CCDC91: variants seen among roughly 807,000 people sequenced by gnomAD.
CCDC91 encodes the protein coiled-coil domain-containing protein 91.
Under a neutral mutation model 63.2 loss-of-function variants are expected in CCDC91, and 48 were observed. That is an observed-to-expected ratio of 0.76 (90% CI 0.60 to 0.97). CCDC91 has a LOEUF of 0.97. Ranked by LOEUF, CCDC91 falls within the 50% of genes least tolerant of loss-of-function variation. CCDC91 has a pLI of 0.00. For synonymous variants in CCDC91, 167 were observed against 165.8 expected (o/e 1.01, Z -0.06); for missense variants, 500 against 494.6 (o/e 1.01, Z -0.10).
At chr12:28,474,930 A>G (rs1951007221) in intron 11 of CCDC91, among the ~76,000 whole-genome samples, 1 of 152,122 alleles carries the variant, frequency 6.6e-6, no homozygotes, top group African/African-American at 2.4e-5. Flanking sequence ...TACTGGGTAC[A>G]TAATGAAATG....
chr12:28,195,099 A>C (rs1037102359), intron 1 of CCDC91, among the ~76,000 whole-genome samples: 1 of 152,094 alleles, frequency 6.6e-6, no homozygotes, highest in Non-Finnish European at 1.5e-5. Flanking sequence ...CATCCTGCAG[A>C]TTGGTCCATT....
At chr12:28,307,094 A>T in intron 5 of CCDC91, 149 bp downstream of exon 5, 1 of 580,020 alleles carries the variant, frequency 1.7e-6, no homozygotes, top group Non-Finnish European at 3.0e-6. Context: ...TATCACTTAG[A>T]AAAGCCTTTG....
chr12:28,421,248 G>T (rs1419708288), intron 8 of CCDC91, among the ~76,000 whole-genome samples: 1 of 152,070 alleles, frequency 6.6e-6, no homozygotes, highest in Non-Finnish European at 1.5e-5. Context: ...ACATGTGCAG[G>T]TTTGTTATAT....
Position 28,500,189 on chromosome 12 carries a change from GT to G in CCDC91, c.1215+16036del, listed in dbSNP as rs568424267. On this transcript the variant is annotated intron_variant, in intron 12 of 12. Transcript: ENST00000536442. ...TATCCTTCGCCCACTTTTTGATGGG[GT>G]TTTTTTTTTTTCTTGTAAATTTGTT... Among the ~76,000 whole-genome samples, 195 of 126,166 alleles carry G rather than the reference GT, an allele frequency of 1.5e-3. 2 individuals are homozygous for G. The highest frequency in any genetic ancestry group is 6.0e-3 in the East Asian group (29 of 4,804). The allele number at this position is 126,166 out of a possible 152,430, so 82.8% of individuals were successfully genotyped here. A position where few individuals can be genotyped will look rare whatever the true frequency, so the allele number is the denominator to read the frequency against.
intron 11 of CCDC91, among the ~76,000 whole-genome samples, chr12:28,458,285 A>G (rs1413710300): frequency 1.3e-5 from 2 of 151,782 alleles, no homozygotes; most frequent in Non-Finnish European, 2.9e-5. Context: ...CAAATGTATC[A>G]TATCTATAGA....
intron 12 of CCDC91, among the ~76,000 whole-genome samples, chr12:28,538,917 G>A (rs541701093): frequency 2.0e-5 from 3 of 152,340 alleles, no homozygotes; most frequent in South Asian, 4.1e-4. Context: ...TTTGAGAAGC[G>A]TCTGTTGACA....
chr12:28,343,513 A>G, intron 6 of CCDC91, among the ~76,000 whole-genome samples: 1 of 152,026 alleles, frequency 6.6e-6, no homozygotes, highest in East Asian at 1.9e-4. Flanking sequence ...AGGGTGGGGT[A>G]AGAGGTCAAG....
chr12:28,433,324 A>G (rs1948729819), intron 8 of CCDC91, among the ~76,000 whole-genome samples: 3 of 151,886 alleles, frequency 2.0e-5, no homozygotes, highest in South Asian at 2.1e-4. Context: ...GCTTTCATAT[A>G]TTATCTTCTA....
chr12:28,275,966 G>A lies in CCDC91; in HGVS notation c.109+16524G>A, dbSNP rs529678389. 7.2e-5 allele frequency among the ~76,000 whole-genome samples: 11 copies of A among 152,034 alleles called. 1 individual carries two copies. In the South Asian group the frequency reaches 1.0e-3, roughly 14 times the overall value. ...TCAATAAATTAGGTATTGATGGGAC[G>A]TATCTCAAAATAATAAGAGCTATCT... On this transcript the variant is annotated intron_variant, in intron 3 of 12. Transcript: ENST00000536442.
At chr12:28,242,051 C>T (rs73083921) in intron 1 of CCDC91, among the ~76,000 whole-genome samples, 1,717 of 150,360 alleles carry the variant, frequency 0.011, 8 homozygotes, top group Middle Eastern at 0.021. Flanking sequence ...GACTGATCAC[C>T]TTGTTATCAT....
intron 7 of CCDC91, among the ~76,000 whole-genome samples, chr12:28,382,338 G>A (rs1050525199): frequency 4.6e-5 from 7 of 151,492 alleles, no homozygotes; most frequent in Non-Finnish European, 7.4e-5. Context: ...CATAAACCTA[G>A]TAATTAAAAC....
At chr12:28,308,214 C>T (rs567856605) in intron 6 of CCDC91, among the ~76,000 whole-genome samples, 1 of 152,104 alleles carries the variant, frequency 6.6e-6, no homozygotes, top group South Asian at 2.1e-4. Flanking sequence ...AAAACTAACT[C>T]ATTCCTTTTT....
At chr12:28,271,490 G>C (rs998412973) in intron 3 of CCDC91, among the ~76,000 whole-genome samples, 1 of 151,936 alleles carries the variant, frequency 6.6e-6, no homozygotes, top group African/African-American at 2.4e-5. Flanking sequence ...ACAATTTTCA[G>C]ATTAAGTGAT....
At chr12:28,443,989 CCCTAAA>C (rs143686350) in intron 8 of CCDC91, among the ~76,000 whole-genome samples, 31,016 of 151,946 alleles carry the variant, frequency 0.2, 4,111 homozygotes, top group Non-Finnish European at 0.3. Context: ...ATTTCTATAT[CCCTAAA>C]CCCTTCAGTG....
At chr12:28,505,164 G>A (rs1032363272) in intron 12 of CCDC91, among the ~76,000 whole-genome samples, 2 of 151,846 alleles carry the variant, frequency 1.3e-5, no homozygotes, top group African/African-American at 4.8e-5. Flanking sequence ...CCTGCTCAAA[G>A]AATCATTACT....
In CCDC91 at chr12:28,484,032, T is replaced by C. The variant is rs1434749541; in HGVS notation, c.1102-20T>C. 1.1e-5 allele frequency: 16 copies of C among 1,513,956 alleles called. No homozygotes were observed. The highest frequency in any genetic ancestry group is 1.4e-5 in the African/African-American group (1 of 72,814). The allele number at this position is 1,513,956 out of a possible 1,614,324, so 93.8% of individuals were successfully genotyped here. A position where few individuals can be genotyped will look rare whatever the true frequency, so the allele number is the denominator to read the frequency against. ...CATAGTGCTCACCTCCCTGACTGTTTTGCCTTCTCCCACAAACAGGAAACT... is the reference window on the plus strand; with the variant it reads ...CATAGTGCTCACCTCCCTGACTGTTCTGCCTTCTCCCACAAACAGGAAACT... On this transcript the variant is annotated intron_variant, in intron 11 of 12. Transcript: ENST00000536442.
intron 8 of CCDC91, among the ~76,000 whole-genome samples, chr12:28,397,784 A>G (rs1946378355): frequency 6.6e-6 from 1 of 152,164 alleles, no homozygotes. Flanking sequence ...AGATATATAT[A>G]AAATGCTACC....
At chr12:28,409,036 G>A (rs1947148160) in intron 8 of CCDC91, among the ~76,000 whole-genome samples, 1 of 152,130 alleles carries the variant, frequency 6.6e-6, no homozygotes, top group Admixed American at 6.6e-5. Flanking sequence ...TGTTTTCTAA[G>A]TATAAAAGGA....
Position 28,358,959 on chromosome 12 carries a change from G to A in CCDC91, c.577-3479G>A, listed in dbSNP as rs186620236. Among the ~76,000 whole-genome samples, 582 of 152,230 alleles carry A rather than the reference G, an allele frequency of 3.8e-3. 1 individual carries two copies. Among genetic ancestry groups the A allele is most frequent in the Non-Finnish European group, 7.1e-3 (483 of 68,026 alleles). ...TGCCCAGGCTGGAGTGCAGTGGCGC[G>A]ATCTCGGCTCACCGCAACCTCCGCC... On this transcript the variant is annotated intron_variant, in intron 6 of 12. Coordinates refer to ENST00000536442, the MANE Select transcript of CCDC91 (RefSeq NM_018318.5).
Sources: allele counts gnomAD v4.1 joint callset (sites outside exome capture counted in the v4.1 genomes callset), GRCh38; gene constraint gnomAD v4.1.1; transcripts MANE v1.5; gene names NCBI Gene and HGNC (gene_info 2026-07-23, HGNC 2026-07-21).